CABYR: variants seen among roughly 807,000 people sequenced by gnomAD.
CABYR encodes the protein calcium-binding tyrosine phosphorylation-regulated protein.
CABYR carries 31 observed loss-of-function variants against 36.1 expected under a neutral mutation model. The observed-to-expected ratio is 0.86, with a 90% CI of 0.64 to 1.16. CABYR has a LOEUF of 1.16. CABYR is among the 50% of genes most tolerant of loss of function. The pLI is 0.00. For missense variants in CABYR, 429 were observed against 455.8 expected (o/e 0.94, Z 0.53); for synonymous variants, 146 against 160.7 (o/e 0.91, Z 0.69).
chr18:24,149,840 T>TGCTCGGAATGCGGGGCCCGCC lies in CABYR; in HGVS notation c.200-5860_200-5840dup, dbSNP rs1177746025. Among the ~76,000 whole-genome samples, 6 of 152,330 alleles carry TGCTCGGAATGCGGGGCCCGCC rather than the reference T, an allele frequency of 3.9e-5. No individual in the cohort carries two copies. The East Asian group carries it at 1.2e-3, about 29-fold the overall frequency. ...CCCGGGGCTGGCAGGGCCGGCCCGC[T>TGCTCGGAATGCGGGGCCCGCC]GCTCGGAATGCGGGGCCCGCCAAGC... is the stretch of plus-strand genomic sequence containing the variant. On this transcript the variant is annotated intron_variant, in intron 3 of 5. Transcript: ENST00000399496.
At chr18:24,152,102 G>A (rs1462864762) in intron 3 of CABYR, among the ~76,000 whole-genome samples, 7 of 152,090 alleles carry the variant, frequency 4.6e-5, no homozygotes, top group African/African-American at 1.7e-4. Context: ...AAAACATCCT[G>A]TATTTTACCA....
rs760841937 is a variant in CABYR, at chr18:24,143,169, G to C, written c.55G>C (p.Glu19Gln). 6.2e-7 allele frequency: 1 copy of C among 1,613,754 alleles called. No homozygotes were observed. The highest frequency in any genetic ancestry group is 1.7e-5 in the Admixed American group (1 of 59,966). The part of the protein sequence containing the change: ...VVPYGLKTLL[E>Q]GISRAVLKTN... Reference sequence around the variant, plus strand: ...ACCCTATGGCCTCAAGACTCTGCTCGAGGGAATTAGCAGAGCTGTTCTCAA... The same window carrying C: ...ACCCTATGGCCTCAAGACTCTGCTCCAGGGAATTAGCAGAGCTGTTCTCAA... The change falls in exon 2 of 6, where the codon GAG becomes CAG. Residue 19 changes from glutamate (E) to glutamine (Q), a missense_variant. Coordinates refer to ENST00000399496, the MANE Select transcript of CABYR (RefSeq NM_153769.3).
At position 24,156,002 on chromosome 18, in the gene CABYR, C is replaced by T. The variant is rs146549485; in HGVS notation, c.501C>T (p.Tyr167=). The change falls in exon 4 of 6, where the codon TAC becomes TAT. Residue 167 remains tyrosine, a synonymous_variant. Transcript: ENST00000399496. ...CAGCTGTCTCACCAGAGTTTGCCTA[C>T]GTCCCAGCTGACCCAGCTCAGCTTG... ...PPTAVSPEFA[Y]VPADPAQLAA... is the part of the protein sequence containing the mutation. 22 of 1,614,208 alleles carry T rather than the reference C, an allele frequency of 1.4e-5. No individual in the cohort carries two copies. The Admixed American group carries it at 1.8e-4, about 13-fold the overall frequency.
intron 3 of CABYR, among the ~76,000 whole-genome samples, chr18:24,154,652 C>G (rs947420010): frequency 2.0e-5 from 3 of 152,214 alleles, no homozygotes; most frequent in African/African-American, 7.2e-5. Flanking sequence ...GCAAATTCTG[C>G]TTTTCTTATA....
intron 1 of CABYR, among the ~76,000 whole-genome samples, chr18:24,141,301 C>T (rs1599367644): frequency 2.0e-5 from 3 of 152,170 alleles, no homozygotes; most frequent in Admixed American, 2.0e-4. Flanking sequence ...GAAGCTGTGC[C>T]CTTCTATAAT....
At position 24,159,605 on chromosome 18, in the gene CABYR, C is replaced by G. The variant is rs753029646; in HGVS notation, c.675C>G (p.Leu225=). The change falls in exon 5 of 6, where the codon CTC becomes CTG. Residue 225 remains leucine, a synonymous_variant. Coordinates refer to ENST00000399496, the MANE Select transcript of CABYR (RefSeq NM_153769.3). ...PAPGPFPQAT[L]YLPNPKDPQF... ...CTGGGCCTTTTCCCCAAGCAACCCT[C>G]TATTTACCTAATCCTAAGGATCCAC... is the stretch of plus-strand genomic sequence containing the variant. 1 of 1,614,144 alleles carries G rather than the reference C, an allele frequency of 6.2e-7. No individual in the cohort carries two copies. Among genetic ancestry groups the G allele is most frequent in the Non-Finnish European group, 8.5e-7 (1 of 1,180,028 alleles).
chr18:24,159,419 A>AAGGTAAT, intron 4 of CABYR, 53 bp from the exon 5 acceptor site: 1 of 1,209,374 alleles, frequency 8.3e-7, no homozygotes, highest in South Asian at 1.3e-5. Flanking sequence ...TACTATGCAT[A>AAGGTAAT]GTGCCTGATA....
At chr18:24,156,183 G>A in intron 4 of CABYR, 141 bp downstream of exon 4, 1 of 1,614,134 alleles carries the variant, frequency 6.2e-7, no homozygotes, top group Non-Finnish European at 8.5e-7. Flanking sequence ...TGTGTGTTCT[G>A]GAAAGGTGCT....
Position 24,155,861 on chromosome 18 carries a change from C to T in CABYR, c.360C>T (p.Thr120=), listed in dbSNP as rs756766145. 19 of 1,614,134 alleles carry T rather than the reference C, an allele frequency of 1.2e-5. No individual in the cohort carries two copies. The highest frequency in any genetic ancestry group is 8.3e-5 in the Admixed American group (5 of 60,014). Residue 120 remains threonine (T), a synonymous_variant, in exon 4 of 6, where the codon ACC becomes ACT. Coordinates refer to ENST00000399496, the MANE Select transcript of CABYR (RefSeq NM_153769.3). The stretch of plus-strand genomic sequence containing the variant: ...GAACAGAATATAGTGACAAAACCAC[C>T]CAGTTTCCATCAGTTTATGCTGTGC... ...VTRTEYSDKT[T]QFPSVYAVPG...
At chr18:24,151,722 C>T (rs1016718621) in intron 3 of CABYR, among the ~76,000 whole-genome samples, 16 of 130,942 alleles carry the variant, frequency 1.2e-4, no homozygotes, top group Non-Finnish European at 2.5e-4. Flanking sequence ...CAGAGTCTAG[C>T]TTTGTTGCCC....
At chr18:24,151,551 AC>A (rs1340404048) in intron 3 of CABYR, among the ~76,000 whole-genome samples, 1 of 152,198 alleles carries the variant, frequency 6.6e-6, no homozygotes, top group African/African-American at 2.4e-5. Context: ...AAAGCTTTTT[AC>A]CCTTCTTAAT....
Position 24,147,252 on chromosome 18 carries a change from C to CAAAAA in CABYR, c.199+3855_199+3859dup, listed in dbSNP as rs5823414. ...TAGGTGACAGTGCAAAACCATGTCT[C>CAAAAA]AAAAAAAAAAAAAAAAAAAAGCCTA... On this transcript the variant is annotated intron_variant, in intron 3 of 5. Coordinates refer to ENST00000399496, the MANE Select transcript of CABYR (RefSeq NM_153769.3). Among the ~76,000 whole-genome samples, 46 of 96,320 alleles carry CAAAAA rather than the reference C, an allele frequency of 4.8e-4. 1 individual carries two copies. The highest frequency in any genetic ancestry group is 1.9e-3 in the African/African-American group (43 of 22,732). The allele number at this position is 96,320 out of a possible 152,430, so 63.2% of individuals were successfully genotyped here.
At chr18:24,149,203 G>C (rs2085539721) in intron 3 of CABYR, among the ~76,000 whole-genome samples, 1 of 152,084 alleles carries the variant, frequency 6.6e-6, no homozygotes, top group African/African-American at 2.4e-5. Context: ...GCTAGACACA[G>C]GGTGCTGATT....
intron 4 of CABYR, among the ~76,000 whole-genome samples, chr18:24,157,515 TG>T (rs1271602390): frequency 6.6e-6 from 1 of 152,182 alleles, no homozygotes; most frequent in Non-Finnish European, 1.5e-5. Flanking sequence ...CATGCGTTTG[TG>T]TTCTGCCTGG....
At chr18:24,139,929 ATTC>A (rs1441280593) in intron 1 of CABYR, 2 of 141,398 alleles carry the variant, frequency 1.4e-5, no homozygotes, top group South Asian at 2.3e-4. Context: ...TTTCTTTTTT[ATTC>A]TTTTTTTTTT....
chr18:24,155,602 A>G (rs2085759452), intron 3 of CABYR, 99 bp from the exon 4 acceptor site: 1 of 892,112 alleles, frequency 1.1e-6, no homozygotes, highest in South Asian at 1.8e-5. Context: ...GATTACAGGC[A>G]TGAGCCACTA....
chr18:24,158,429 C>T (rs1230438126), intron 4 of CABYR, among the ~76,000 whole-genome samples: 1 of 149,246 alleles, frequency 6.7e-6, no homozygotes, highest in Non-Finnish European at 1.5e-5. Context: ...AGTGATTCTC[C>T]TGCCTCAGCC....
chr18:24,160,730 C>CAACA (rs1459979190), intron 5 of CABYR: 1 of 152,708 alleles, frequency 6.5e-6, no homozygotes, highest in East Asian at 1.9e-4. Flanking sequence ...AAGTGTATTA[C>CAACA]AACATGTAAA....
At chr18:24,156,391 A>G (rs924956263) in intron 4 of CABYR, 3 of 1,614,112 alleles carry the variant, frequency 1.9e-6, no homozygotes, top group African/African-American at 2.7e-5. Flanking sequence ...TCATCTGTCT[A>G]TAACGATGTG....
Sources: allele counts gnomAD v4.1 joint callset (sites outside exome capture counted in the v4.1 genomes callset), GRCh38; gene constraint gnomAD v4.1.1; transcripts MANE v1.5; gene names NCBI Gene and HGNC (gene_info 2026-07-23, HGNC 2026-07-21).